The following MOB1B variants were observed in gnomAD, a reference collection of about 807,000 sequenced individuals.
The protein encoded by MOB1B is MOB kinase activator 1B, also known as MOB1 Mps One Binder homolog B.
Under a neutral mutation model 24.4 loss-of-function variants are expected in MOB1B, and 19 were observed. That is an observed-to-expected ratio of 0.78 (90% CI 0.54 to 1.14). The LOEUF (loss-of-function observed/expected upper bound fraction) is 1.14, where lower values mean the gene tolerates loss of function less well. MOB1B is among the 50% of genes most tolerant of loss of function. MOB1B has a pLI of 0.00. For missense variants in MOB1B, 243 were observed against 259.6 expected (o/e 0.94, Z 0.44); for synonymous variants, 76 against 82.1 (o/e 0.93, Z 0.40).
At position 70,902,440 on chromosome 4, in the gene MOB1B, C is replaced by T. The variant is rs1278963474; in HGVS notation, c.-97C>T. ...CTCTCGGCACCTCCTCCTCCGCCTC[C>T]CTGTCTCCTGTTCCATTCGCCTTTC... On this transcript the variant is annotated 5_prime_UTR_variant, in exon 1 of 6. Coordinates refer to ENST00000309395, the MANE Select transcript of MOB1B (RefSeq NM_173468.4). 7.4e-7 allele frequency: 1 copy of T among 1,350,450 alleles called. No homozygotes were observed. The highest frequency in any genetic ancestry group is 1.0e-6 in the Non-Finnish European group (1 of 964,896). 83.7% of individuals were successfully genotyped at this position (1,350,450 alleles called of 1,614,324 possible). A position where few individuals can be genotyped will look rare whatever the true frequency, so the allele number is the denominator to read the frequency against.
chr4:70,938,080 G>A (rs1330110235), intron 1 of MOB1B, among the ~76,000 whole-genome samples: 1 of 151,274 alleles, frequency 6.6e-6, no homozygotes, highest in African/African-American at 2.4e-5. Flanking sequence ...TTCGATTTTG[G>A]TGTCGTCTCT....
rs1034759869 is a variant in MOB1B, at chr4:70,986,417, C to T, written c.*4360C>T. 6.6e-6 allele frequency: 1 copy of T among 151,766 alleles called. No homozygotes were observed. The highest frequency in any genetic ancestry group is 2.4e-5 in the African/African-American group (1 of 41,322). 9.4% of individuals were successfully genotyped at this position (151,766 alleles called of 1,614,324 possible). On this transcript the variant is annotated 3_prime_UTR_variant, in exon 6 of 6. Transcript: ENST00000309395. ...CACAAAATATTTAGAATTGTATAACCTTTTCATATATTTATAACTTTTAAT... is the reference window on the plus strand; with the variant it reads ...CACAAAATATTTAGAATTGTATAACTTTTTCATATATTTATAACTTTTAAT...
In MOB1B at chr4:70,943,527, T is replaced by G. The variant is rs111670551; in HGVS notation, c.15-15347T>G. Among the ~76,000 whole-genome samples, 1,141 of 152,304 alleles carry G rather than the reference T, an allele frequency of 7.5e-3. 14 individuals are homozygous for G. The highest frequency in any genetic ancestry group is 0.027 in the African/African-American group (1,103 of 41,566). ...CTTTGATAAACTTTTCTAAAGACAG[T>G]AGTTCAAGGTATAGTAACTTTTTAA... is the stretch of plus-strand genomic sequence containing the variant. On this transcript the variant is annotated intron_variant, in intron 1 of 5. Coordinates refer to ENST00000309395, the MANE Select transcript of MOB1B (RefSeq NM_173468.4).
chr4:70,908,204 A>G (rs1735829527), intron 1 of MOB1B, among the ~76,000 whole-genome samples: 1 of 148,626 alleles, frequency 6.7e-6, no homozygotes. Context: ...TTTTTTTTGT[A>G]TTTTTAGTAG....
intron 1 of MOB1B, among the ~76,000 whole-genome samples, chr4:70,905,344 T>TC (rs1735698073): frequency 6.6e-6 from 1 of 151,862 alleles, no homozygotes; most frequent in Non-Finnish European, 1.5e-5. Flanking sequence ...GCTCAGGTGA[T>TC]CCTTTCATCT....
intron 1 of MOB1B, among the ~76,000 whole-genome samples, chr4:70,938,939 A>G (rs774612187): frequency 2.0e-5 from 3 of 151,878 alleles, no homozygotes; most frequent in Non-Finnish European, 4.4e-5. Flanking sequence ...CAGCACCTCG[A>G]CCTCCCAAAG....
At chr4:70,973,228 A>G (rs1301295675) in intron 3 of MOB1B, among the ~76,000 whole-genome samples, 2 of 152,166 alleles carry the variant, frequency 1.3e-5, no homozygotes, top group East Asian at 3.9e-4. Context: ...GATTGACAAG[A>G]TGAAAACTTG....
rs563956895 is a variant in MOB1B at position 70,980,810 on chromosome 4, A to G, written c.574-1170A>G. Among the ~76,000 whole-genome samples, 14 of 152,238 alleles carry G rather than the reference A, an allele frequency of 9.2e-5. No individual in the cohort carries two copies. The South Asian group carries it at 2.9e-3, about 32-fold the overall frequency. ...AGGGCGGGTCCCGTCTCTGATATGTATACCTCTAGGCCTGAGAGTTTGCTG... is the reference window on the plus strand; with the variant it reads ...AGGGCGGGTCCCGTCTCTGATATGTGTACCTCTAGGCCTGAGAGTTTGCTG... On this transcript the variant is annotated intron_variant, in intron 5 of 5. Coordinates refer to ENST00000309395, the MANE Select transcript of MOB1B (RefSeq NM_173468.4).
chr4:70,955,078 G>A (rs1251424379), intron 1 of MOB1B, among the ~76,000 whole-genome samples: 1 of 152,220 alleles, frequency 6.6e-6, no homozygotes, highest in Non-Finnish European at 1.5e-5. Flanking sequence ...GAGCCACTGT[G>A]CCCGGCCTAG....
chr4:70,907,912 C>A (rs1735813614), intron 1 of MOB1B, among the ~76,000 whole-genome samples: 1 of 152,104 alleles, frequency 6.6e-6, no homozygotes, highest in Non-Finnish European at 1.5e-5. Flanking sequence ...TCCAGAGTAG[C>A]TGGGATTATA....
intron 1 of MOB1B, among the ~76,000 whole-genome samples, chr4:70,937,915 T>C (rs978972302): frequency 6.6e-6 from 1 of 152,150 alleles, no homozygotes; most frequent in African/African-American, 2.4e-5. Flanking sequence ...AATCATTTTT[T>C]AAAAAATTTC....
At chr4:70,969,653 T>G (rs1044235678) in intron 2 of MOB1B, among the ~76,000 whole-genome samples, 2 of 152,200 alleles carry the variant, frequency 1.3e-5, no homozygotes, top group Non-Finnish European at 2.9e-5. Context: ...TTCTTATTGA[T>G]CTATATGAGT....
upstream of MOB1B, chr4:70,902,210 G>T: frequency 2.0e-6 from 1 of 495,288 alleles, no homozygotes; most frequent in South Asian, 2.2e-5. Flanking sequence ...CAGCCGGAGG[G>T]CCGGGGTGGG....
chr4:70,924,859 A>T (rs1736586929), intron 1 of MOB1B, among the ~76,000 whole-genome samples: 1 of 152,194 alleles, frequency 6.6e-6, no homozygotes, highest in African/African-American at 2.4e-5. Context: ...CATGGTGTAT[A>T]TGTGCCACAA....
chr4:70,949,594 G>A (rs552236537), intron 1 of MOB1B, among the ~76,000 whole-genome samples: 2 of 152,242 alleles, frequency 1.3e-5, no homozygotes, highest in East Asian at 1.9e-4. Context: ...AGATGGTATA[G>A]GAGGGGAATT....
chr4:70,919,420 G>A (rs1736334131), intron 1 of MOB1B, among the ~76,000 whole-genome samples: 1 of 151,704 alleles, frequency 6.6e-6, no homozygotes, highest in Non-Finnish European at 1.5e-5. Context: ...TTTTAAAGAA[G>A]TAAAAACCTT....
chr4:70,938,599 G>A (rs1737187948), intron 1 of MOB1B, among the ~76,000 whole-genome samples: 1 of 152,002 alleles, frequency 6.6e-6, no homozygotes, highest in Admixed American at 6.6e-5. Context: ...CCACTGTGTA[G>A]ATTGTTTAGG....
At chr4:70,902,645 C>G in intron 1 of MOB1B, 95 bp downstream of exon 1, 1 of 1,223,858 alleles carries the variant, frequency 8.2e-7, no homozygotes, top group Non-Finnish European at 1.1e-6. Flanking sequence ...CGTCCCGACC[C>G]TCCTGGCCCA....
At position 70,985,466 on chromosome 4, in the gene MOB1B, T is replaced by C. The variant is rs1188141428; in HGVS notation, c.*3409T>C. On this transcript the variant is annotated 3_prime_UTR_variant, in exon 6 of 6. Coordinates refer to ENST00000309395, the MANE Select transcript of MOB1B (RefSeq NM_173468.4). ...TGCAGGAAAATCAGTTTCATCATTTTAGTTACACTAAACACTTTTGGCAGC... is the reference window on the plus strand; with the variant it reads ...TGCAGGAAAATCAGTTTCATCATTTCAGTTACACTAAACACTTTTGGCAGC... 6.6e-6 allele frequency: 1 copy of C among 152,222 alleles called. No homozygotes were observed. Among genetic ancestry groups the C allele is most frequent in the Non-Finnish European group, 1.5e-5 (1 of 68,036 alleles). 9.4% of individuals were successfully genotyped at this position (152,222 alleles called of 1,614,324 possible).
Sources: gnomAD v4.1 joint callset for allele counts (sites outside exome capture counted in the v4.1 genomes callset) on GRCh38, gnomAD v4.1.1 for gene constraint, MANE v1.5 for transcripts, NCBI Gene and HGNC (gene_info 2026-07-23, HGNC 2026-07-21) for gene names.